The following PARPBP variants were observed in gnomAD, a reference collection of about 807,000 sequenced individuals.
The protein encoded by PARPBP is PCNA-interacting partner.
In PARPBP, 52 loss-of-function variants were observed where a neutral mutation model predicts 50.0. The observed-to-expected ratio is 1.04, with a 90% CI of 0.83 to 1.31. The LOEUF is 1.31. Ranked by LOEUF, PARPBP falls within the 50% of genes most tolerant of loss-of-function variation. The pLI is 0.00. For synonymous variants in PARPBP, 244 were observed against 232.1 expected (o/e 1.05, Z -0.47); for missense variants, 697 against 672.0 (o/e 1.04, Z -0.41).
chr12:102,148,638 G>A (rs1026028303), intron 3 of PARPBP, 175 bp downstream of exon 3: 5 of 447,462 alleles, frequency 1.1e-5, no homozygotes, highest in African/African-American at 6.1e-5. Flanking sequence ...GAAAGATTTT[G>A]TGGTAAATTT....
At chr12:102,187,915 A>T (rs971897487) in intron 9 of PARPBP, among the ~76,000 whole-genome samples, 11 of 152,304 alleles carry the variant, frequency 7.2e-5, no homozygotes, top group South Asian at 2.1e-4. Flanking sequence ...AAGAATTTTT[A>T]AAAAATTAAA....
chr12:102,133,832 G>A (rs1883218558), intron 2 of PARPBP, among the ~76,000 whole-genome samples: 1 of 151,910 alleles, frequency 6.6e-6, no homozygotes, highest in Admixed American at 6.6e-5. Context: ...ATCTGTAACA[G>A]GAAGAATTTG....
At chr12:102,148,797 G>A (rs944440022) in intron 3 of PARPBP, 5 of 204,920 alleles carry the variant, frequency 2.4e-5, no homozygotes, top group Non-Finnish European at 4.8e-5. Context: ...TTGATTTAAT[G>A]TGCATCTGTT....
intron 2 of PARPBP, among the ~76,000 whole-genome samples, chr12:102,146,726 T>C (rs1885405887): frequency 6.6e-6 from 1 of 152,146 alleles, no homozygotes; most frequent in Non-Finnish European, 1.5e-5. Flanking sequence ...TGGGATCTAA[T>C]TAAACTAAAG....
In PARPBP at chr12:102,197,188, G is replaced by A. The variant is rs1402463480; in HGVS notation, c.*897G>A. Reference sequence around the variant, plus strand: ...GCCTGTGTTCTGTAAAGAGAAGGTTGATTTGGTTTTTAGCTATCGTATTCG... The same window carrying A: ...GCCTGTGTTCTGTAAAGAGAAGGTTAATTTGGTTTTTAGCTATCGTATTCG... On this transcript the variant is annotated 3_prime_UTR_variant, in exon 11 of 11. Coordinates refer to ENST00000327680, the MANE Select transcript of PARPBP (RefSeq NM_017915.5). 1 of 1,597,542 alleles carries A rather than the reference G, an allele frequency of 6.3e-7. No homozygotes were observed. Among genetic ancestry groups the A allele is most frequent in the Admixed American group, 1.7e-5 (1 of 59,498 alleles).
intron 9 of PARPBP, among the ~76,000 whole-genome samples, chr12:102,184,685 G>A (rs754393573): frequency 6.6e-5 from 10 of 152,026 alleles, no homozygotes; most frequent in South Asian, 2.1e-4. Context: ...ACTAATAAAC[G>A]GCAATCAAGA....
At position 102,197,213 on chromosome 12, in the gene PARPBP, G is replaced by A. The variant is rs201464040; in HGVS notation, c.*922G>A. On this transcript the variant is annotated 3_prime_UTR_variant, in exon 11 of 11. Coordinates refer to ENST00000327680, the MANE Select transcript of PARPBP (RefSeq NM_017915.5). ...GATTTGGTTTTTAGCTATCGTATTC[G>A]GAGTGGAACTATAATACAATTGTAT... is the stretch of plus-strand genomic sequence containing the variant. The A allele has an allele frequency of 3.8e-5, 52 of 1,386,528 alleles. No individual in the cohort carries two copies. The East Asian group carries it at 5.7e-4, about 15-fold the overall frequency. 85.9% of individuals were successfully genotyped at this position (1,386,528 alleles called of 1,614,324 possible).
chr12:102,157,587 C>T (rs550779907), intron 4 of PARPBP, among the ~76,000 whole-genome samples: 2 of 152,054 alleles, frequency 1.3e-5, no homozygotes, highest in East Asian at 1.9e-4. Context: ...CTAAGAAATA[C>T]TTCTTAACTG....
intron 2 of PARPBP, among the ~76,000 whole-genome samples, chr12:102,128,125 C>T (rs1291054058): frequency 6.6e-6 from 1 of 152,120 alleles, no homozygotes; most frequent in Admixed American, 6.5e-5. Context: ...TGAAATTATT[C>T]CTCCTAACAG....
At chr12:102,170,275 G>A (rs1030096893) in intron 6 of PARPBP, among the ~76,000 whole-genome samples, 5 of 152,100 alleles carry the variant, frequency 3.3e-5, no homozygotes, top group African/African-American at 9.7e-5. Context: ...ACTGTCATGC[G>A]CCACTTGATG....
intron 2 of PARPBP, among the ~76,000 whole-genome samples, chr12:102,142,361 C>G (rs1248518610): frequency 6.6e-6 from 1 of 152,148 alleles, no homozygotes; most frequent in Non-Finnish European, 1.5e-5. Flanking sequence ...ATTCTCTACC[C>G]TGTTTATTCT....
intron 6 of PARPBP, among the ~76,000 whole-genome samples, chr12:102,173,858 G>C (rs909329648): frequency 1.3e-5 from 2 of 148,476 alleles, no homozygotes; most frequent in African/African-American, 5.0e-5. Flanking sequence ...TTGAGGGAGA[G>C]ATTGGGTGGT....
At chr12:102,175,746 G>T in intron 7 of PARPBP, 80 bp downstream of exon 7, 2 of 865,234 alleles carry the variant, frequency 2.3e-6, no homozygotes, top group Admixed American at 3.0e-5. Context: ...GTTTATTATT[G>T]CTACTTAAGT....
intron 2 of PARPBP, among the ~76,000 whole-genome samples, chr12:102,146,057 A>C (rs1431318289): frequency 6.6e-6 from 1 of 152,200 alleles, no homozygotes; most frequent in Non-Finnish European, 1.5e-5. Flanking sequence ...TGCTCAATGA[A>C]ATAAAAGAGG....
At chr12:102,147,676 T>C (rs1885580032) in intron 2 of PARPBP, among the ~76,000 whole-genome samples, 1 of 152,042 alleles carries the variant, frequency 6.6e-6, no homozygotes, top group Non-Finnish European at 1.5e-5. Flanking sequence ...GTAACTAACC[T>C]GCACATTGTG....
chr12:102,131,514 A>G (rs944259304), intron 2 of PARPBP, among the ~76,000 whole-genome samples: 4 of 152,336 alleles, frequency 2.6e-5, no homozygotes, highest in Non-Finnish European at 1.5e-5. Flanking sequence ...AATATAAATC[A>G]TTCTATCATA....
At chr12:102,191,274 A>G (rs1325330313) in intron 9 of PARPBP, among the ~76,000 whole-genome samples, 1 of 152,214 alleles carries the variant, frequency 6.6e-6, no homozygotes, top group East Asian at 1.9e-4. Flanking sequence ...TCATAAAACG[A>G]TAATGCTACT....
chr12:102,134,893 G>C (rs538111469), intron 2 of PARPBP, among the ~76,000 whole-genome samples: 4 of 152,250 alleles, frequency 2.6e-5, no homozygotes, highest in African/African-American at 9.6e-5. Flanking sequence ...GCCCAGGCTG[G>C]TCTTGAACTC....
chr12:102,194,385 G>A (rs1891071557), intron 9 of PARPBP, among the ~76,000 whole-genome samples: 2 of 151,848 alleles, frequency 1.3e-5, no homozygotes, highest in Non-Finnish European at 2.9e-5. Flanking sequence ...GATTTCAGGT[G>A]ACTTCTAATT....
Sources: gnomAD v4.1 joint callset for allele counts (sites outside exome capture counted in the v4.1 genomes callset) on GRCh38, gnomAD v4.1.1 for gene constraint, MANE v1.5 for transcripts, NCBI Gene and HGNC (gene_info 2026-07-23, HGNC 2026-07-21) for gene names.